Variants in NLGN1 observed in about 807,000 individuals in gnomAD.
NLGN1 encodes the protein neuroligin 1, also known as neuroligin-1.
A neutral mutation model predicts 65.5 loss-of-function variants in NLGN1; 12 were observed. That is an observed-to-expected ratio of 0.18 (90% CI 0.12 to 0.30). NLGN1 has a LOEUF of 0.30. Ranked by LOEUF, NLGN1 falls within the 10% of genes least tolerant of loss-of-function variation. NLGN1 has a pLI of 1.00. For missense variants in NLGN1, 750 were observed against 1,007.1 expected (o/e 0.74, Z 3.46); for synonymous variants, 350 against 359.5 (o/e 0.97, Z 0.30).
chr3:173,467,233 TA>T (rs112750079), intron 2 of NLGN1, among the ~76,000 whole-genome samples: 5 of 152,082 alleles, frequency 3.3e-5, no homozygotes, highest in African/African-American at 7.2e-5. Context: ...GTATGTTTTT[TA>T]AATGGCAGTA....
At chr3:174,071,630 TG>T (rs1245171289) in intron 4 of NLGN1, among the ~76,000 whole-genome samples, 1 of 149,924 alleles carries the variant, frequency 6.7e-6, no homozygotes, top group Non-Finnish European at 1.5e-5. Flanking sequence ...CACTTGAGCC[TG>T]GGAGGAGAAG....
intron 4 of NLGN1, among the ~76,000 whole-genome samples, chr3:174,053,353 A>G (rs1735335849): frequency 1.3e-5 from 2 of 151,998 alleles, no homozygotes; most frequent in Non-Finnish European, 2.9e-5. Flanking sequence ...AATGGCCATA[A>G]TTATATTTTT....
intron 1 of NLGN1, among the ~76,000 whole-genome samples, chr3:173,419,328 GA>G (rs1213792266): frequency 2.0e-5 from 3 of 148,914 alleles, no homozygotes; most frequent in African/African-American, 7.4e-5. Context: ...GTGAAGGGGG[GA>G]TTATCTTGGG....
At chr3:173,910,108 T>C (rs536123003) in intron 4 of NLGN1, among the ~76,000 whole-genome samples, 1 of 152,344 alleles carries the variant, frequency 6.6e-6, no homozygotes, top group South Asian at 2.1e-4. Context: ...ACTGGGTTGT[T>C]CATGCTCAGT....
chr3:173,608,148 T>C (rs1751682440), intron 3 of NLGN1, among the ~76,000 whole-genome samples: 1 of 151,954 alleles, frequency 6.6e-6, no homozygotes, highest in African/African-American at 2.4e-5. Flanking sequence ...GATGTTGTTC[T>C]ATAATTTTTA....
At chr3:173,822,984 A>G (rs1023737883) in intron 4 of NLGN1, among the ~76,000 whole-genome samples, 1 of 152,038 alleles carries the variant, frequency 6.6e-6, no homozygotes, top group Admixed American at 6.6e-5. Context: ...AGTAACTTCA[A>G]TTTAATACCA....
At chr3:173,881,591 A>AT (rs1312069485) in intron 4 of NLGN1, among the ~76,000 whole-genome samples, 2 of 150,460 alleles carry the variant, frequency 1.3e-5, no homozygotes, top group African/African-American at 4.9e-5. Flanking sequence ...CGCCTGGCTA[A>AT]TTTTTTGTGT....
At position 174,122,604 on chromosome 3, in the gene NLGN1, G is replaced by A. The variant is rs148736565; in HGVS notation, c.647-152711G>A. Among the ~76,000 whole-genome samples the A allele has an allele frequency of 2.8e-3, 433 of 152,216 alleles. 2 individuals carry two copies. The highest frequency in any genetic ancestry group is 4.8e-3 in the Non-Finnish European group (325 of 67,998). On this transcript the variant is annotated intron_variant, in intron 4 of 6. Transcript: ENST00000457714. ...TCTTCAGGGAGAAGGAAAAAATGCA[G>A]TTGACGCAGCCTCATGATCATCATG...
chr3:173,404,461 C>T (rs768983933), intron 1 of NLGN1, among the ~76,000 whole-genome samples: 18 of 152,266 alleles, frequency 1.2e-4, no homozygotes, highest in South Asian at 1.0e-3. Flanking sequence ...GGCTCCTCGC[C>T]TCCAGGAGAA....
At chr3:174,288,980 A>G (rs767003059), downstream of NLGN1, among the ~76,000 whole-genome samples, 14 of 151,428 alleles carry the variant, frequency 9.2e-5, no homozygotes, top group Non-Finnish European at 1.6e-4. Flanking sequence ...ATACTATTAA[A>G]TTCTACCTCA....
chr3:173,856,348 C>T (rs1377056088), intron 4 of NLGN1, among the ~76,000 whole-genome samples: 1 of 152,044 alleles, frequency 6.6e-6, no homozygotes, highest in Non-Finnish European at 1.5e-5. Context: ...CTTAAAACAA[C>T]CTATGCTGTA....
intron 4 of NLGN1, among the ~76,000 whole-genome samples, chr3:173,829,748 T>C (rs967666276): frequency 9.2e-5 from 14 of 152,306 alleles, no homozygotes; most frequent in African/African-American, 2.9e-4. Context: ...TGGTAGAATT[T>C]ACCTGATTTG....
intron 2 of NLGN1, among the ~76,000 whole-genome samples, chr3:173,514,770 G>A (rs376063083): frequency 1.8e-4 from 28 of 152,200 alleles, no homozygotes; most frequent in Middle Eastern, 6.8e-3. Context: ...TTGTCCTTCT[G>A]TGATTGGCTT....
At chr3:173,536,760 A>AGTGTGC (rs992337579) in intron 2 of NLGN1, among the ~76,000 whole-genome samples, 1 of 151,956 alleles carries the variant, frequency 6.6e-6, no homozygotes, top group Non-Finnish European at 1.5e-5. Context: ...TGTGTGCACG[A>AGTGTGC]GTGTGCGTGT....
rs1179794204 is a variant in NLGN1 at position 173,645,128 on chromosome 3, G to C, written c.493+40037G>C. On this transcript the variant is annotated intron_variant, in intron 3 of 6. Coordinates refer to ENST00000457714, the Ensembl canonical transcript of NLGN1. ...CTCATCTGGATTTAGTTGGACTTTGGCTGGTTCCATTAGGCAACTTTCAGG... is the reference window on the plus strand; with the variant it reads ...CTCATCTGGATTTAGTTGGACTTTGCCTGGTTCCATTAGGCAACTTTCAGG... 2.0e-5 allele frequency among the ~76,000 whole-genome samples: 3 copies of C among 152,228 alleles called. No homozygotes were observed. In the East Asian group the frequency reaches 5.8e-4, roughly 29 times the overall value.
intron 2 of NLGN1, among the ~76,000 whole-genome samples, chr3:173,503,664 A>G (rs1055350726): frequency 2.6e-5 from 4 of 152,068 alleles, no homozygotes; most frequent in African/African-American, 9.7e-5. Context: ...CTCCCTGGGA[A>G]TGCTTGTCAC....
chr3:173,879,621 A>C (rs1354820538), intron 4 of NLGN1, among the ~76,000 whole-genome samples: 2 of 149,208 alleles, frequency 1.3e-5, no homozygotes. Flanking sequence ...TTGAATATTG[A>C]TGACTTTTTT....
intron 4 of NLGN1, among the ~76,000 whole-genome samples, chr3:174,050,559 T>C (rs1424181563): frequency 1.3e-5 from 2 of 152,068 alleles, no homozygotes; most frequent in African/African-American, 4.8e-5. Flanking sequence ...AGTACATCGC[T>C]TAGCATAAAC....
chr3:174,037,414 G>A (rs1390831557), intron 4 of NLGN1, among the ~76,000 whole-genome samples: 3 of 152,120 alleles, frequency 2.0e-5, no homozygotes, highest in Non-Finnish European at 4.4e-5. Context: ...CCACCTTACT[G>A]TCAAAGGGGC....
Sources: allele counts gnomAD v4.1 joint callset (sites outside exome capture counted in the v4.1 genomes callset), GRCh38; gene constraint gnomAD v4.1.1; transcripts MANE v1.5; gene names NCBI Gene and HGNC (gene_info 2026-07-23, HGNC 2026-07-21).